The following MYMX variants were observed in gnomAD, a reference collection of about 807,000 sequenced individuals.
MYMX encodes protein myomixer.
chr6:44,200,821 C>T, the MYMX span, among the ~76,000 whole-genome samples: 1 of 152,156 alleles, frequency 6.6e-6, no homozygotes, highest in African/African-American at 2.4e-5. Context: ...AGGGTAGGGC[C>T]CCCACCTCCC....
chr6:44,209,317 C>T, the MYMX span, among the ~76,000 whole-genome samples: 1 of 151,938 alleles, frequency 6.6e-6, no homozygotes, highest in Non-Finnish European at 1.5e-5. Context: ...TGATAACAGG[C>T]AAATAGTCCC....
chr6:44,203,531 C>T, the MYMX span, among the ~76,000 whole-genome samples: 1 of 152,120 alleles, frequency 6.6e-6, no homozygotes, highest in Admixed American at 6.5e-5. Flanking sequence ...TGAGATTCAA[C>T]AGAACTTGGC....
the MYMX span, among the ~76,000 whole-genome samples, chr6:44,198,772 T>C: frequency 1.3e-5 from 2 of 151,924 alleles, no homozygotes; most frequent in Admixed American, 1.3e-4. Context: ...TGCACCACCA[T>C]GCTCAGCTAA....
upstream of MYMX, among the ~76,000 whole-genome samples, chr6:44,213,190 T>G (rs1384797562): frequency 2.0e-5 from 3 of 151,612 alleles, no homozygotes; most frequent in African/African-American, 7.3e-5. Context: ...TTAAGACCAT[T>G]CTGGCCAACA....
At chr6:44,196,645 A>G in the MYMX span, among the ~76,000 whole-genome samples, 1 of 152,068 alleles carries the variant, frequency 6.6e-6, no homozygotes, top group Non-Finnish European at 1.5e-5. Flanking sequence ...CCTGGGCTAC[A>G]GAGTAAGGCT....
the MYMX span, among the ~76,000 whole-genome samples, chr6:44,205,799 ACTT>A: frequency 1.3e-5 from 2 of 151,646 alleles, no homozygotes; most frequent in South Asian, 2.1e-4. Flanking sequence ...ACAGAGCAAG[ACTT>A]CTTCTCAAAA....
At chr6:44,205,064 G>A in the MYMX span, among the ~76,000 whole-genome samples, 1 of 152,136 alleles carries the variant, frequency 6.6e-6, no homozygotes, top group African/African-American at 2.4e-5. Context: ...GCATGGGAGA[G>A]ACACACTTTC....
the MYMX span, among the ~76,000 whole-genome samples, chr6:44,193,291 T>C: frequency 1.3e-5 from 2 of 152,116 alleles, no homozygotes; most frequent in Non-Finnish European, 2.9e-5. Context: ...TTTTTCCATA[T>C]AGAGTCTCGC....
At chr6:44,194,651 G>A in the MYMX span, among the ~76,000 whole-genome samples, 4 of 152,314 alleles carry the variant, frequency 2.6e-5, no homozygotes, top group South Asian at 4.1e-4. Flanking sequence ...GACACCCAAG[G>A]AGACACTGAG....
the MYMX span, among the ~76,000 whole-genome samples, chr6:44,197,846 C>T: frequency 6.6e-6 from 1 of 152,148 alleles, no homozygotes; most frequent in Non-Finnish European, 1.5e-5. Flanking sequence ...ATCACCCTCC[C>T]AAAATGCTGG....
the MYMX span, among the ~76,000 whole-genome samples, chr6:44,199,586 C>T: frequency 6.6e-6 from 1 of 151,930 alleles, no homozygotes; most frequent in African/African-American, 2.4e-5. Flanking sequence ...TTTTGAGACT[C>T]CCATATAAAT....
the MYMX span, among the ~76,000 whole-genome samples, chr6:44,211,065 T>C: frequency 6.6e-6 from 1 of 152,240 alleles, no homozygotes; most frequent in South Asian, 2.1e-4. Flanking sequence ...CAGTGAGCTA[T>C]GATGGCTCCA....
chr6:44,211,823 T>TGTGTGTGTGTGTG, the MYMX span, among the ~76,000 whole-genome samples: 53 of 150,668 alleles, frequency 3.5e-4, no homozygotes, highest in East Asian at 7.8e-4. Flanking sequence ...TGTGTGTGTG[T>TGTGTGTGTGTGTG]TTAGTAGAGA....
At chr6:44,206,046 T>C in the MYMX span, among the ~76,000 whole-genome samples, 10 of 144,672 alleles carry the variant, frequency 6.9e-5, no homozygotes, top group African/African-American at 2.3e-4. Context: ...TTTTTAGTAA[T>C]ATAGGCTCTG....
the MYMX span, among the ~76,000 whole-genome samples, chr6:44,196,979 G>T: frequency 6.6e-6 from 1 of 151,922 alleles, no homozygotes; most frequent in Non-Finnish European, 1.5e-5. Context: ...AACAGGTTGG[G>T]CATGGTGGCT....
At chr6:44,214,218 C>G (rs1775746131), upstream of MYMX, among the ~76,000 whole-genome samples, 1 of 152,146 alleles carries the variant, frequency 6.6e-6, no homozygotes, top group African/African-American at 2.4e-5. Flanking sequence ...ATGATTCTGG[C>G]AAGAGATGAT....
upstream of MYMX, among the ~76,000 whole-genome samples, chr6:44,212,030 T>C (rs563610143): frequency 1.2e-4 from 18 of 152,198 alleles, no homozygotes; most frequent in South Asian, 3.7e-3. Context: ...CCTGCCTCGG[T>C]TTCCCAAGTA....
chr6:44,202,572 T>C, the MYMX span, among the ~76,000 whole-genome samples: 3,037 of 152,178 alleles, frequency 0.02, 109 homozygotes, highest in African/African-American at 0.069. Flanking sequence ...TGGAAGAAAC[T>C]GCTCCCTGGC....
chr6:44,216,091 T>TA (rs1159666092), upstream of MYMX, among the ~76,000 whole-genome samples: 2 of 152,176 alleles, frequency 1.3e-5, no homozygotes, highest in Non-Finnish European at 2.9e-5. Context: ...AGCTAGGAGA[T>TA]AGACTGTGCC....
Sources: gnomAD v4.1 joint callset for allele counts (sites outside exome capture counted in the v4.1 genomes callset) on GRCh38, gnomAD v4.1.1 for gene constraint, MANE v1.5 for transcripts, NCBI Gene and HGNC (gene_info 2026-07-23, HGNC 2026-07-21) for gene names.